EDIL3: variants seen among roughly 807,000 people sequenced by gnomAD.
EDIL3 encodes EGF-like repeat and discoidin I-like domain-containing protein 3.
A neutral mutation model predicts 67.4 loss-of-function variants in EDIL3; 37 were observed. The ratio of observed to expected loss-of-function variants is 0.55; its 90% confidence interval spans 0.42 to 0.72. The LOEUF is 0.72. Ranked by LOEUF, EDIL3 falls within the 30% of genes least tolerant of loss-of-function variation. The probability of loss-of-function intolerance (pLI) is 0.00; values close to 1 mark genes in which losing one functional copy is unlikely to be tolerated. For synonymous variants in EDIL3, 195 were observed against 196.3 expected, an observed-to-expected ratio of 0.99 and a Z score of 0.05; for missense variants, 527 against 586.3, an observed-to-expected ratio of 0.90 and a Z score of 1.04.
intron 5 of EDIL3, among the ~76,000 whole-genome samples, chr5:84,111,973 G>C (rs958695428): frequency 1.3e-5 from 2 of 152,180 alleles, no homozygotes; most frequent in African/African-American, 2.4e-5. Flanking sequence ...ATAGTGGAGA[G>C]AGGAGACAGG....
At chr5:83,958,960 G>A (rs1004861356) in intron 10 of EDIL3, among the ~76,000 whole-genome samples, 1 of 151,138 alleles carries the variant, frequency 6.6e-6, no homozygotes, top group African/African-American at 2.4e-5. Context: ...AAAATGTATG[G>A]ACTGTAATGA....
chr5:84,334,401 CT>C (rs2112169683), intron 1 of EDIL3, among the ~76,000 whole-genome samples: 1 of 152,118 alleles, frequency 6.6e-6, no homozygotes, highest in East Asian at 1.9e-4. Context: ...AATACTGCAA[CT>C]GAAAAAATGA....
chr5:84,281,112 C>G (rs979453909), intron 1 of EDIL3, among the ~76,000 whole-genome samples: 6 of 152,078 alleles, frequency 3.9e-5, no homozygotes. Flanking sequence ...ACAAGTATTC[C>G]ATGACCTATT....
chr5:84,195,086 A>G (rs1743677907), intron 3 of EDIL3, among the ~76,000 whole-genome samples: 1 of 152,032 alleles, frequency 6.6e-6, no homozygotes, highest in African/African-American at 2.4e-5. Flanking sequence ...TATGCTGATT[A>G]AAATGATCAC....
intron 10 of EDIL3, among the ~76,000 whole-genome samples, chr5:83,960,169 T>G (rs1717968192): frequency 6.6e-6 from 1 of 151,056 alleles, no homozygotes; most frequent in Non-Finnish European, 1.5e-5. Flanking sequence ...AGCAAACTGG[T>G]TAGATTTCTT....
At chr5:84,350,297 C>A (rs1747328392) in intron 1 of EDIL3, among the ~76,000 whole-genome samples, 1 of 151,972 alleles carries the variant, frequency 6.6e-6, no homozygotes, top group Non-Finnish European at 1.5e-5. Context: ...ACTTTTATTT[C>A]TTGACATACT....
intron 3 of EDIL3, among the ~76,000 whole-genome samples, chr5:84,205,144 G>A (rs1743939482): frequency 6.7e-6 from 1 of 149,748 alleles, no homozygotes; most frequent in South Asian, 2.1e-4. Flanking sequence ...TCAAAATCCT[G>A]GGCCCAACTG....
At chr5:84,025,521 TA>T (rs1017239829) in intron 9 of EDIL3, among the ~76,000 whole-genome samples, 1 of 152,092 alleles carries the variant, frequency 6.6e-6, no homozygotes, top group Non-Finnish European at 1.5e-5. Context: ...GTAATAATAA[TA>T]AAAATATAGT....
rs1744211954 is a variant in EDIL3, at chr5:83,940,863, A to T, written c.*2556T>A. 6.6e-6 allele frequency: 1 copy of T among 152,040 alleles called. No individual in the cohort carries two copies. The highest frequency in any genetic ancestry group is 1.9e-4 in the East Asian group (1 of 5,186). The allele number at this position is 152,040 out of a possible 1,614,324, so 9.4% of individuals were successfully genotyped here. A position where few individuals can be genotyped will look rare whatever the true frequency, so the allele number is the denominator to read the frequency against. On this transcript the variant is annotated 3_prime_UTR_variant, in exon 11 of 11. Coordinates refer to ENST00000296591, the MANE Select transcript of EDIL3 (RefSeq NM_005711.5). ...TCAAAATTCACACCAAACTTTATGA[A>T]GTCATTCAGAAAGAGAAAGTCAATC...
intron 1 of EDIL3, among the ~76,000 whole-genome samples, chr5:84,349,704 A>C (rs1201567770): frequency 6.6e-6 from 1 of 151,718 alleles, no homozygotes; most frequent in Admixed American, 6.6e-5. Context: ...CACCACCAAC[A>C]CTCTTCCATG....
At chr5:84,186,358 T>C (rs1383862225) in intron 3 of EDIL3, among the ~76,000 whole-genome samples, 2 of 152,054 alleles carry the variant, frequency 1.3e-5, no homozygotes, top group Admixed American at 1.3e-4. Context: ...TTAAATAACA[T>C]TTATTCATTA....
intron 1 of EDIL3, among the ~76,000 whole-genome samples, chr5:84,331,106 T>A (rs1171206706): frequency 6.6e-6 from 1 of 152,232 alleles, no homozygotes; most frequent in East Asian, 1.9e-4. Flanking sequence ...ATTTACCAAA[T>A]GCCTGTGCCC....
At chr5:84,172,469 A>G (rs1250272582) in intron 4 of EDIL3, among the ~76,000 whole-genome samples, 1 of 152,002 alleles carries the variant, frequency 6.6e-6, no homozygotes, top group Admixed American at 6.6e-5. Context: ...GGTCCCAGCT[A>G]CTTGGGAGGC....
At position 84,132,381 on chromosome 5, in the gene EDIL3, A is replaced by AATATAATATATATTTTAATATATATT. The variant is rs1561440576; in HGVS notation, c.469+4859_469+4860insAATATATATTAAAATATATATTATAT. Among the ~76,000 whole-genome samples the AATATAATATATATTTTAATATATATT allele has an allele frequency of 7.5e-3, 113 of 15,114 alleles. 8 individuals carry two copies. The highest frequency in any genetic ancestry group is 0.054 in the East Asian group (33 of 612). 9.9% of individuals were successfully genotyped at this position (15,114 alleles called of 152,430 possible). On this transcript the variant is annotated intron_variant, in intron 5 of 10. Transcript: ENST00000296591. The stretch of plus-strand genomic sequence containing the variant: ...AATATATATTATATATATTATATAT[A>AATATAATATATATTTTAATATATATT]ATATATTTTATATATAATATATATT...
intron 4 of EDIL3, among the ~76,000 whole-genome samples, chr5:84,154,137 G>A (rs573004323): frequency 9.2e-5 from 14 of 152,280 alleles, no homozygotes; most frequent in African/African-American, 3.1e-4. Flanking sequence ...AACATGCAAA[G>A]CCTAGGCTCA....
chr5:84,253,747 T>A (rs183895721), intron 2 of EDIL3, among the ~76,000 whole-genome samples: 2 of 152,130 alleles, frequency 1.3e-5, no homozygotes, highest in South Asian at 2.1e-4. Flanking sequence ...TAATTTAACT[T>A]GAATAAATTG....
intron 8 of EDIL3, among the ~76,000 whole-genome samples, chr5:84,061,587 C>T (rs1746542055): frequency 6.6e-6 from 1 of 152,156 alleles, no homozygotes; most frequent in South Asian, 2.1e-4. Context: ...TCTCCCATTT[C>T]CCAGCTGTGT....
intron 1 of EDIL3, among the ~76,000 whole-genome samples, chr5:84,307,608 C>T (rs1326453029): frequency 1.3e-5 from 2 of 152,126 alleles, no homozygotes; most frequent in Non-Finnish European, 2.9e-5. Context: ...AAGGAAATAC[C>T]AGAAGCACAG....
intron 1 of EDIL3, among the ~76,000 whole-genome samples, chr5:84,383,667 G>C (rs1467667058): frequency 1.3e-5 from 2 of 152,160 alleles, no homozygotes; most frequent in African/African-American, 4.8e-5. Context: ...CAGACTAGGA[G>C]AGGCGGGTTC....
Sources: gnomAD v4.1 joint callset for allele counts (sites outside exome capture counted in the v4.1 genomes callset) on GRCh38, gnomAD v4.1.1 for gene constraint, MANE v1.5 for transcripts, NCBI Gene and HGNC (gene_info 2026-07-23, HGNC 2026-07-21) for gene names.